C4orf51: variants seen among roughly 807,000 people sequenced by gnomAD.
The protein encoded by C4orf51 is uncharacterized protein C4orf51.
C4orf51 carries 25 observed loss-of-function variants against 25.2 expected under a neutral mutation model. That is an observed-to-expected ratio of 0.99 (90% CI 0.72 to 1.39). The LOEUF is 1.39. C4orf51 is among the 40% of genes most tolerant of loss of function. C4orf51 has a pLI of 0.00. For synonymous variants in C4orf51, 100 were observed against 84.5 expected (o/e 1.18, Z -1.01); for missense variants, 252 against 239.6 (o/e 1.05, Z -0.34).
At chr4:145,737,099 T>TA (rs113236527), downstream of C4orf51, among the ~76,000 whole-genome samples, 299 of 144,018 alleles carry the variant, frequency 2.1e-3, no homozygotes, top group African/African-American at 5.8e-3. Context: ...TAGGCAGAGT[T>TA]AAAAAAAAAA....
At chr4:145,751,694 A>G (rs1733685462) in intron 1 of C4orf51, among the ~76,000 whole-genome samples, 1 of 152,216 alleles carries the variant, frequency 6.6e-6, no homozygotes, top group African/African-American at 2.4e-5. Flanking sequence ...CATCAAGTGA[A>G]GCTAGCCAGG....
the C4orf51 span, among the ~76,000 whole-genome samples, chr4:145,783,393 T>C: frequency 6.6e-6 from 1 of 152,280 alleles, no homozygotes; most frequent in African/African-American, 2.4e-5. Flanking sequence ...ACCTGCCTTT[T>C]GAATTGCTGT....
chr4:145,696,585 G>T lies in C4orf51; in HGVS notation c.260G>T (p.Cys87Phe). ...KQMSLTNSSA[C>F]HLLCWAGTQE... Reference sequence around the variant, plus strand: ...ATGTCATTGACAAACAGTTCTGCCTGTCATCTTCTCTGCTGGGCTGGTACC... The same window carrying T: ...ATGTCATTGACAAACAGTTCTGCCTTTCATCTTCTCTGCTGGGCTGGTACC... The change falls in exon 2 of 6, where the codon TGT becomes TTT. Residue 87 changes from cysteine (C) to phenylalanine (F), a missense_variant. By Grantham distance (205) the Cys-to-Phe change is radical. Coordinates refer to ENST00000438731, the MANE Select transcript of C4orf51 (RefSeq NM_001080531.3). 1 of 1,613,756 alleles carries T rather than the reference G, an allele frequency of 6.2e-7. No individual in the cohort carries two copies. The highest frequency in any genetic ancestry group is 1.3e-5 in the African/African-American group (1 of 75,030).
At chr4:145,740,323 C>CG (rs1261836197) in intron 1 of C4orf51, among the ~76,000 whole-genome samples, 1 of 40,916 alleles carries the variant, frequency 2.4e-5, no homozygotes. Flanking sequence ...CTGCATTTTA[C>CG]AAAAGAACTA....
At chr4:145,701,789 T>A (rs1730463332) in intron 2 of C4orf51, among the ~76,000 whole-genome samples, 2 of 152,020 alleles carry the variant, frequency 1.3e-5, no homozygotes, top group African/African-American at 4.8e-5. Flanking sequence ...GGTGCCAACT[T>A]GGACAACACT....
the C4orf51 span, among the ~76,000 whole-genome samples, chr4:145,778,298 T>C: frequency 1.3e-5 from 2 of 152,344 alleles, no homozygotes; most frequent in South Asian, 2.1e-4. Context: ...CACATCCGTC[T>C]AATTTTTGTA....
At chr4:145,786,597 G>C in the C4orf51 span, among the ~76,000 whole-genome samples, 2 of 152,126 alleles carry the variant, frequency 1.3e-5, no homozygotes, top group East Asian at 1.9e-4. Flanking sequence ...AACCTACCAG[G>C]TCATTTTCCA....
Position 145,747,440 on chromosome 4 carries a change from C to T in C4orf51, n.168-6767C>T, listed in dbSNP as rs568717119. On this transcript the variant is annotated intron_variant and non_coding_transcript_variant, in intron 1 of 1. Transcript: ENST00000508981. ...TGTTGAATTTTAACAATGCTTTTTC[C>T]GCATTAATCAAAATGATCATATGGT... 5.3e-5 allele frequency among the ~76,000 whole-genome samples: 8 copies of T among 151,158 alleles called. No individual in the cohort carries two copies. The East Asian group carries it at 7.7e-4, about 15-fold the overall frequency.
the C4orf51 span, among the ~76,000 whole-genome samples, chr4:145,780,744 A>T: frequency 6.6e-6 from 1 of 152,232 alleles, no homozygotes; most frequent in African/African-American, 2.4e-5. Flanking sequence ...TTTTCACCTC[A>T]CTTTGAAGAC....
rs547266793 is a variant in C4orf51 at position 145,760,890 on chromosome 4, C to T, written n.167-10098C>T. The T allele has an allele frequency of 2.2e-4, 268 of 1,229,710 alleles. 3 individuals are homozygous for T. In the South Asian group the frequency reaches 3.4e-3, roughly 15 times the overall value. The allele number at this position is 1,229,710 out of a possible 1,614,324, so 76.2% of individuals were successfully genotyped here. ...GTCGGGGAGGGTGGAATGTGAGATC[C>T]AAGTGGTTCTTGGGGTATAACATTG... On this transcript the variant is annotated intron_variant and non_coding_transcript_variant, in intron 1 of 1. Transcript: ENST00000510096.
At chr4:145,736,690 C>T (rs1320999990), downstream of C4orf51, among the ~76,000 whole-genome samples, 1 of 152,198 alleles carries the variant, frequency 6.6e-6, no homozygotes, top group Non-Finnish European at 1.5e-5. Context: ...CAGGTCTTGG[C>T]ACAGGAGCCT....
intron 1 of C4orf51, among the ~76,000 whole-genome samples, chr4:145,750,412 G>GTTTTTTTTTTTTTTTTTTTTTTTT (rs55700691): frequency 2.8e-5 from 3 of 108,140 alleles, no homozygotes; most frequent in African/African-American, 7.1e-5. Context: ...TAGGGTAAAA[G>GTTTTTTTTTTTTTTTTTTTTTTTT]TTTTTTTTTT....
intron 1 of C4orf51, among the ~76,000 whole-genome samples, chr4:145,738,911 G>A (rs181937174): frequency 6.6e-6 from 1 of 152,234 alleles, no homozygotes; most frequent in Non-Finnish European, 1.5e-5. Flanking sequence ...AAAGTCCTGG[G>A]ATTACTGGCA....
chr4:145,773,753 G>T (rs774603907), downstream of C4orf51, among the ~76,000 whole-genome samples: 2 of 152,216 alleles, frequency 1.3e-5, no homozygotes, highest in Admixed American at 1.3e-4. Flanking sequence ...ACAGTGATGG[G>T]TTTGTTTCAG....
chr4:145,749,069 A>ATGTATATATATT (rs1334912260), intron 1 of C4orf51, among the ~76,000 whole-genome samples: 2 of 146,660 alleles, frequency 1.4e-5, no homozygotes, highest in Non-Finnish European at 3.0e-5. Context: ...GTGTGTGTAT[A>ATGTATATATATT]TATATATATA....
chr4:145,696,461 T>C, intron 1 of C4orf51, 98 bp from the exon 2 acceptor site: 1 of 1,031,828 alleles, frequency 9.7e-7, no homozygotes, highest in South Asian at 1.4e-5. Flanking sequence ...ATGAAAGTTT[T>C]AAAAAAAGAT....
chr4:145,720,647 T>G (rs1003784655), intron 2 of C4orf51, among the ~76,000 whole-genome samples: 52 of 152,204 alleles, frequency 3.4e-4, no homozygotes, highest in Non-Finnish European at 5.0e-4. Flanking sequence ...TCCTTCCTGG[T>G]ACAAGGCCTT....
downstream of C4orf51, among the ~76,000 whole-genome samples, chr4:145,734,033 T>C (rs1732661282): frequency 6.6e-6 from 1 of 152,224 alleles, no homozygotes; most frequent in South Asian, 2.1e-4. Context: ...CTGATTAGAA[T>C]TCTGTTTTAA....
downstream of C4orf51, among the ~76,000 whole-genome samples, chr4:145,734,320 ATGTATATCCATTGAT>A (rs1215325604): frequency 6.9e-6 from 1 of 144,394 alleles, no homozygotes; most frequent in Non-Finnish European, 1.5e-5. Context: ...TTCATCCGAG[ATGTATATCCATTGAT>A]TGAGGACACT....
Sources: gnomAD v4.1 joint callset for allele counts (sites outside exome capture counted in the v4.1 genomes callset) on GRCh38, gnomAD v4.1.1 for gene constraint, MANE v1.5 for transcripts, NCBI Gene and HGNC (gene_info 2026-07-23, HGNC 2026-07-21) for gene names.